The following MGST3 variants were observed in gnomAD, a reference collection of about 807,000 sequenced individuals.
MGST3 encodes glutathione S-transferase 3, mitochondrial.
Under a neutral mutation model 15.8 loss-of-function variants are expected in MGST3, and 13 were observed. The ratio of observed to expected loss-of-function variants is 0.82; its 90% CI spans 0.54 to 1.31. The LOEUF (loss-of-function observed/expected upper bound fraction) is 1.31, where lower values mean the gene tolerates loss of function less well. MGST3 is among the 50% of genes most tolerant of loss of function. The pLI is 0.00. For synonymous variants in MGST3, 49 were observed against 68.1 expected, an observed-to-expected ratio of 0.72 and a Z score of 1.38; for missense variants, 155 against 192.4, an observed-to-expected ratio of 0.81 and a Z score of 1.15.
At chr1:165,650,835 C>T in intron 2 of MGST3, 179 bp from the exon 3 acceptor site, 1 of 639,714 alleles carries the variant, frequency 1.6e-6, no homozygotes, top group South Asian at 1.7e-5. Context: ...GAAACATTGA[C>T]TCTGCTTCTG....
intron 2 of MGST3, 142 bp downstream of exon 2, chr1:165,650,106 G>T (rs1449616511): frequency 2.4e-6 from 3 of 1,241,892 alleles, no homozygotes; most frequent in Non-Finnish European, 3.4e-6. Context: ...TAGCGATTCT[G>T]CTTCTTCATG....
intron 1 of MGST3, among the ~76,000 whole-genome samples, chr1:165,636,047 G>A (rs576935596): frequency 1.6e-4 from 25 of 152,294 alleles, no homozygotes; most frequent in African/African-American, 5.8e-4. Flanking sequence ...CTGTCATGAA[G>A]GTTTGGCGCT....
chr1:165,648,157 G>A (rs1181751124), intron 1 of MGST3, among the ~76,000 whole-genome samples: 12 of 152,218 alleles, frequency 7.9e-5, no homozygotes, highest in Non-Finnish European at 4.4e-5. Context: ...AAGCTTGGAG[G>A]GAAGCCAGAG....
At chr1:165,632,035 G>A in intron 1 of MGST3, 1 of 538,466 alleles carries the variant, frequency 1.9e-6, no homozygotes. Flanking sequence ...CAGGGCGGTG[G>A]AAGGCGCTGG....
Position 165,655,647 on chromosome 1 carries a change from T to A in MGST3, c.*143T>A. On this transcript the variant is annotated 3_prime_UTR_variant, in exon 6 of 6. Coordinates refer to ENST00000367889, the MANE Select transcript of MGST3 (RefSeq NM_004528.4). ...TCCTGACTCTTACCACTCATTTCCG[T>A]TTGAGTCTGTATCTGAAATCAGTAG... is the stretch of plus-strand genomic sequence containing the variant. 1 of 986,500 alleles carries A rather than the reference T, an allele frequency of 1.0e-6. No individual in the cohort carries two copies. Among genetic ancestry groups the A allele is most frequent in the Non-Finnish European group, 1.5e-6 (1 of 662,618 alleles). The allele number at this position is 986,500 out of a possible 1,614,324, so 61.1% of individuals were successfully genotyped here.
intron 1 of MGST3, chr1:165,647,551 A>G (rs1034009534): frequency 1.2e-4 from 18 of 152,166 alleles, no homozygotes; most frequent in Admixed American, 1.1e-3. Flanking sequence ...GTGAAGAGTA[A>G]AAGTGAGCTG....
At position 165,636,774 on chromosome 1, in the gene MGST3, G is replaced by A. The variant is rs1285493296; in HGVS notation, c.-8+5481G>A. On this transcript the variant is annotated intron_variant, in intron 1 of 5. Transcript: ENST00000367889. ...ATTGTTTTTATGTTACTTCCCTCTA[G>A]GCTCTTTAATTTCTCCATTGAGCAT... 2.0e-5 allele frequency: 3 copies of A among 152,290 alleles called. No homozygotes were observed. The East Asian group carries it at 5.8e-4, about 29-fold the overall frequency. 9.4% of individuals were successfully genotyped at this position (152,290 alleles called of 1,614,324 possible).
chr1:165,633,035 A>G (rs1647995832), intron 1 of MGST3, among the ~76,000 whole-genome samples: 1 of 152,234 alleles, frequency 6.6e-6, no homozygotes, highest in South Asian at 2.1e-4. Flanking sequence ...ATTACCGACC[A>G]CAATTGACCA....
chr1:165,631,241 C>T lies in MGST3; in HGVS notation c.-60C>T, dbSNP rs2101710579. 6.5e-6 allele frequency: 1 copy of T among 152,788 alleles called. No individual in the cohort carries two copies. Among genetic ancestry groups the T allele is most frequent in the African/African-American group, 2.4e-5 (1 of 41,568 alleles). The allele number at this position is 152,788 out of a possible 1,614,324, so 9.5% of individuals were successfully genotyped here. A position where few individuals can be genotyped will look rare whatever the true frequency, so the allele number is the denominator to read the frequency against. ...CCCGCCCCAGGCGAGGGCGCCGCAC[C>T]CACACCGCGCTGCGCAGTTTTGTTC... On this transcript the variant is annotated 5_prime_UTR_variant, in exon 1 of 6. Coordinates refer to ENST00000367889, the MANE Select transcript of MGST3 (RefSeq NM_004528.4).
intron 2 of MGST3, 83 bp downstream of exon 2, chr1:165,650,047 G>A (rs1648510693): frequency 5.6e-6 from 9 of 1,595,010 alleles, no homozygotes; most frequent in Non-Finnish European, 6.8e-6. Context: ...CAGCCATGGA[G>A]GGAGAGGCAA....
At chr1:165,640,294 TA>T (rs1415075762) in intron 1 of MGST3, among the ~76,000 whole-genome samples, 2 of 152,050 alleles carry the variant, frequency 1.3e-5, no homozygotes, top group African/African-American at 4.8e-5. Context: ...TGTTAGTGTG[TA>T]ATTGTGAAGA....
intron 1 of MGST3, chr1:165,646,315 T>A (rs1277887300): frequency 1.3e-5 from 2 of 152,250 alleles, no homozygotes; most frequent in African/African-American, 4.8e-5. Flanking sequence ...TATCTATCTC[T>A]TCGCCTTGGA....
At chr1:165,637,611 A>G (rs895835955) in intron 1 of MGST3, among the ~76,000 whole-genome samples, 7 of 152,230 alleles carry the variant, frequency 4.6e-5, no homozygotes, top group Non-Finnish European at 8.8e-5. Flanking sequence ...ACCCTGCCCC[A>G]GTAAGATACG....
chr1:165,638,912 C>A (rs1238612127), intron 1 of MGST3, among the ~76,000 whole-genome samples: 1 of 152,148 alleles, frequency 6.6e-6, no homozygotes, highest in Non-Finnish European at 1.5e-5. Flanking sequence ...CTGAATGCTT[C>A]CCCCTAAGAT....
At chr1:165,638,712 G>A (rs549369027) in intron 1 of MGST3, among the ~76,000 whole-genome samples, 22 of 151,998 alleles carry the variant, frequency 1.4e-4, no homozygotes, top group African/African-American at 5.3e-4. Flanking sequence ...GAACCCAGGA[G>A]GTGGAGGTTG....
chr1:165,643,626 G>A (rs1648315907), intron 1 of MGST3, among the ~76,000 whole-genome samples: 1 of 151,436 alleles, frequency 6.6e-6, no homozygotes, highest in South Asian at 2.1e-4. Context: ...AGTACTTTGA[G>A]AGGCTGAGGC....
At chr1:165,634,481 C>A (rs1648044363) in intron 1 of MGST3, among the ~76,000 whole-genome samples, 1 of 152,074 alleles carries the variant, frequency 6.6e-6, no homozygotes, top group South Asian at 2.1e-4. Context: ...TAATTGATTT[C>A]TCCTACTTTT....
At chr1:165,636,177 A>T (rs1648109114) in intron 1 of MGST3, among the ~76,000 whole-genome samples, 1 of 152,074 alleles carries the variant, frequency 6.6e-6, no homozygotes. Context: ...AGAAACAGAT[A>T]ATTACATTTT....
At chr1:165,639,937 A>G (rs1367179622) in intron 1 of MGST3, among the ~76,000 whole-genome samples, 1 of 152,348 alleles carries the variant, frequency 6.6e-6, no homozygotes, top group African/African-American at 2.4e-5. Context: ...GTTGGCTGGA[A>G]GTCCTACTGA....
Sources: gnomAD v4.1 joint callset for allele counts (sites outside exome capture counted in the v4.1 genomes callset) on GRCh38, gnomAD v4.1.1 for gene constraint, MANE v1.5 for transcripts, NCBI Gene and HGNC (gene_info 2026-07-23, HGNC 2026-07-21) for gene names.